Variants in TSPAN9 observed in about 807,000 individuals in gnomAD.
TSPAN9 encodes tetraspanin-9.
A neutral mutation model predicts 31.0 loss-of-function variants in TSPAN9; 16 were observed. That is an observed-to-expected ratio of 0.52 (90% confidence interval 0.35 to 0.78). TSPAN9 has a LOEUF of 0.78. Among genes scored for constraint, TSPAN9 ranks in the 30% least tolerant of loss-of-function variants. The pLI, the probability that TSPAN9 is intolerant of heterozygous loss-of-function variation, is 0.01. For missense variants in TSPAN9, 272 were observed against 312.5 expected (o/e 0.87, Z 0.98); for synonymous variants, 145 against 121.6 (o/e 1.19, Z -1.27).
intron 2 of TSPAN9, chr12:3,171,586 G>T (rs562056221): frequency 1.3e-5 from 2 of 152,270 alleles, no homozygotes; most frequent in South Asian, 2.1e-4. Flanking sequence ...CGAGTACTTG[G>T]TCTTATACTT....
chr12:3,118,262 T>TTTTTTTTTTG (rs2098323460), intron 2 of TSPAN9, among the ~76,000 whole-genome samples: 1 of 85,434 alleles, frequency 1.2e-5, no homozygotes, highest in Non-Finnish European at 2.2e-5. Context: ...CGCCGTTTTT[T>TTTTTTTTTTG]TTTTTTTTTT....
At chr12:3,231,079 C>A (rs1296597819) in intron 3 of TSPAN9, among the ~76,000 whole-genome samples, 2 of 152,164 alleles carry the variant, frequency 1.3e-5, no homozygotes, top group Non-Finnish European at 2.9e-5. Flanking sequence ...AGAGTGCTTG[C>A]CTGGGTGTGT....
At position 3,165,845 on chromosome 12, in the gene TSPAN9, G is replaced by A. The variant is rs543382153; in HGVS notation, c.-17-35332G>A. ...CATTGGAGTTGCCGAGCTCCCAGGG[G>A]TGTCTTAAGTCTCATAAGTAATCTG... On this transcript the variant is annotated intron_variant, in intron 2 of 8. Coordinates refer to ENST00000011898, the MANE Select transcript of TSPAN9 (RefSeq NM_006675.5). Among the ~76,000 whole-genome samples the A allele has an allele frequency of 2.6e-5, 4 of 152,298 alleles. No individual in the cohort carries two copies. In the East Asian group the frequency reaches 5.8e-4, roughly 22 times the overall value.
At chr12:3,088,396 A>G (rs1244219387) in intron 2 of TSPAN9, among the ~76,000 whole-genome samples, 5 of 141,198 alleles carry the variant, frequency 3.5e-5, no homozygotes, top group Non-Finnish European at 6.2e-5. Context: ...GTCACTCCAA[A>G]TTAGCAGCCA....
In TSPAN9 at chr12:3,283,207, T is replaced by C. The variant is rs1240908861; in HGVS notation, c.*91T>C. 3 of 1,398,068 alleles carry C rather than the reference T, an allele frequency of 2.1e-6. No homozygotes were observed. The highest frequency in any genetic ancestry group is 3.0e-6 in the Non-Finnish European group (3 of 1,009,212). The allele number at this position is 1,398,068 out of a possible 1,614,324, so 86.6% of individuals were successfully genotyped here. A position where few individuals can be genotyped will look rare whatever the true frequency, so the allele number is the denominator to read the frequency against. On this transcript the variant is annotated 3_prime_UTR_variant, in exon 9 of 9. Transcript: ENST00000011898. ...GTCACCTGCCTGCGCTCTCCAGATA[T>C]GACCCCTGCACCCACCCCCCACAGC...
chr12:3,160,783 G>A (rs2098344685), intron 2 of TSPAN9, among the ~76,000 whole-genome samples: 1 of 152,070 alleles, frequency 6.6e-6, no homozygotes, highest in African/African-American at 2.4e-5. Context: ...TTAAAATTGG[G>A]TATTTGTCTT....
intron 3 of TSPAN9, among the ~76,000 whole-genome samples, chr12:3,214,775 T>C (rs951843128): frequency 2.6e-4 from 40 of 152,056 alleles, no homozygotes; most frequent in Non-Finnish European, 3.2e-4. Context: ...TGCACCTTGT[T>C]TGACACACAG....
At chr12:3,120,862 C>A (rs1157565186) in intron 2 of TSPAN9, among the ~76,000 whole-genome samples, 1 of 152,216 alleles carries the variant, frequency 6.6e-6, no homozygotes, top group African/African-American at 2.4e-5. Flanking sequence ...GGGGAGCTAC[C>A]CATAATGGGG....
At chr12:3,210,980 A>G (rs1315282036) in intron 3 of TSPAN9, among the ~76,000 whole-genome samples, 8 of 152,144 alleles carry the variant, frequency 5.3e-5, no homozygotes, top group Admixed American at 3.9e-4. Flanking sequence ...TCCTGGGCTC[A>G]AGCAATCCTT....
intron 2 of TSPAN9, among the ~76,000 whole-genome samples, chr12:3,088,688 A>G (rs943484131): frequency 6.6e-6 from 1 of 152,172 alleles, no homozygotes. Flanking sequence ...CTTGGCATCC[A>G]TTTGAGAAAC....
At chr12:3,202,502 T>G (rs2098372530) in intron 3 of TSPAN9, among the ~76,000 whole-genome samples, 2 of 152,140 alleles carry the variant, frequency 1.3e-5, no homozygotes, top group African/African-American at 4.8e-5. Context: ...TGGGCTCTAG[T>G]CTTGGTTCTG....
Position 3,119,489 on chromosome 12 carries a change from C to T in TSPAN9, c.-18+35770C>T, listed in dbSNP as rs762560559. Among the ~76,000 whole-genome samples the T allele has an allele frequency of 7.9e-5, 12 of 152,252 alleles. No individual in the cohort carries two copies. The South Asian group carries it at 1.0e-3, about 13-fold the overall frequency. On this transcript the variant is annotated intron_variant, in intron 2 of 8. Coordinates refer to ENST00000011898, the MANE Select transcript of TSPAN9 (RefSeq NM_006675.5). ...ATCAGCCCCTGCCTTCCAGGAGCTC[C>T]GTTGTGAAATGCCCTTGCCCGTGTG...
chr12:3,095,946 G>T (rs2098308446), intron 2 of TSPAN9, among the ~76,000 whole-genome samples: 1 of 150,384 alleles, frequency 6.6e-6, no homozygotes, highest in African/African-American at 2.5e-5. Context: ...CGGCCGGGCA[G>T]AGGCTGCAAT....
chr12:3,198,255 C>G (rs868701340), intron 2 of TSPAN9, among the ~76,000 whole-genome samples: 83 of 31,346 alleles, frequency 2.6e-3, no homozygotes, highest in African/African-American at 3.5e-3. Context: ...ACCAGCACAG[C>G]TCACCACCAG....
chr12:3,277,923 GAC>G (rs761307997), intron 3 of TSPAN9, among the ~76,000 whole-genome samples: 5 of 152,218 alleles, frequency 3.3e-5, no homozygotes, highest in Admixed American at 1.3e-4. Context: ...AGAGTAACAG[GAC>G]ACAGTCGCTG....
chr12:3,213,466 G>A (rs1334256968), intron 3 of TSPAN9, among the ~76,000 whole-genome samples: 1 of 152,282 alleles, frequency 6.6e-6, no homozygotes, highest in African/African-American at 2.4e-5. Context: ...GACACTCATC[G>A]TGACCAGTCC....
At chr12:3,231,682 T>C (rs1318833373) in intron 3 of TSPAN9, among the ~76,000 whole-genome samples, 1 of 152,234 alleles carries the variant, frequency 6.6e-6, no homozygotes, top group African/African-American at 2.4e-5. Flanking sequence ...CTTTGGAGCC[T>C]GGATGGGGTT....
intron 2 of TSPAN9, among the ~76,000 whole-genome samples, chr12:3,128,913 A>G (rs1340634040): frequency 2.0e-5 from 3 of 152,188 alleles, no homozygotes; most frequent in East Asian, 1.9e-4. Flanking sequence ...CCATTAGATG[A>G]TAACTTCCCA....
chr12:3,211,608 T>G, intron 3 of TSPAN9: 2 of 934,642 alleles, frequency 2.1e-6, no homozygotes, highest in Non-Finnish European at 3.1e-6. Flanking sequence ...TTTTTTTTTT[T>G]ATCCAAAATG....
Sources: gnomAD v4.1 joint callset for allele counts (sites outside exome capture counted in the v4.1 genomes callset) on GRCh38, gnomAD v4.1.1 for gene constraint, MANE v1.5 for transcripts, NCBI Gene and HGNC (gene_info 2026-07-23, HGNC 2026-07-21) for gene names.